The following DHRS4 variants were observed in gnomAD, a reference collection of about 807,000 sequenced individuals.
DHRS4 encodes dehydrogenase/reductase SDR family member 4.
DHRS4 carries 20 observed loss-of-function variants against 28.4 expected under a neutral mutation model. The ratio of observed to expected loss-of-function variants is 0.71; its 90% CI spans 0.50 to 1.02. The LOEUF (loss-of-function observed/expected upper bound fraction) is 1.02. DHRS4 is among the 50% of genes least tolerant of loss of function. DHRS4 has a pLI of 0.00. For missense variants in DHRS4, 378 were observed against 367.2 expected (o/e 1.03, Z -0.24); for synonymous variants, 144 against 146.4 (o/e 0.98, Z 0.12).
intron 1 of DHRS4, among the ~76,000 whole-genome samples, chr14:23,954,549 G>T: frequency 6.6e-6 from 1 of 152,356 alleles, no homozygotes; most frequent in Non-Finnish European, 1.5e-5. Flanking sequence ...AATGCAAAAT[G>T]TGTAACTCTT....
At chr14:23,962,573 A>G (rs1487095551) in intron 3 of DHRS4, among the ~76,000 whole-genome samples, 1 of 151,800 alleles carries the variant, frequency 6.6e-6, no homozygotes, top group Non-Finnish European at 1.5e-5. Context: ...ATTCAGTCCC[A>G]TCTTCCAGCT....
chr14:23,967,183 C>G (rs1480786756), intron 6 of DHRS4, 28 bp from the exon 7 acceptor site: 2 of 1,591,268 alleles, frequency 1.3e-6, no homozygotes, highest in Admixed American at 1.8e-5. Flanking sequence ...AAAAAAAAAA[C>G]ATAAAGAGAT....
chr14:23,959,426 C>T, intron 2 of DHRS4, among the ~76,000 whole-genome samples: 1 of 152,074 alleles, frequency 6.6e-6, no homozygotes, highest in Non-Finnish European at 1.5e-5. Context: ...GGTGTGGTGG[C>T]ACGCACTTGT....
intron 3 of DHRS4, among the ~76,000 whole-genome samples, chr14:23,963,186 T>C: frequency 1.8e-5 from 2 of 108,506 alleles, no homozygotes; most frequent in East Asian, 3.2e-4. Flanking sequence ...TAAATGAGCA[T>C]TGGCTTCAAC....
In DHRS4 at chr14:23,955,212, G is replaced by C. The variant is rs139945419; in HGVS notation, c.306G>C (p.Thr102=). The change falls in exon 2 of 8, where the codon ACG becomes ACC. Residue 102 remains threonine, a splice_region_variant and synonymous_variant. Transcript: ENST00000313250. ...AGGACCGGGAGCGGCTGGTGGCCAC[G>C]GTGAGCTGCAGGGAAATGGGCACAG... is the stretch of plus-strand genomic sequence containing the variant. The part of the protein sequence containing the change: ...KAEDRERLVA[T]AVKLHGGIDI... 9.4e-4 allele frequency: 1,511 copies of C among 1,612,212 alleles called. 9 individuals carry two copies. The African/African-American group carries it at 0.016, about 17-fold the overall frequency.
chr14:23,958,218 C>A (rs1258134185), intron 2 of DHRS4, among the ~76,000 whole-genome samples: 1 of 151,512 alleles, frequency 6.6e-6, no homozygotes. Context: ...TACACATTGA[C>A]AGCCCAGCAT....
chr14:23,954,392 G>C (rs147169011), intron 1 of DHRS4, among the ~76,000 whole-genome samples: 3 of 152,104 alleles, frequency 2.0e-5, no homozygotes, highest in Non-Finnish European at 4.4e-5. Context: ...TTTTTGTTTA[G>C]GTCGGTACAT....
chr14:23,965,911 T>G lies in DHRS4; in HGVS notation c.480-21T>G, dbSNP rs1216518124. ...GCACTGGTCCACAATGGGAAGATGG[T>G]CAGCTCTCTTCTTTTTCCAGAGGCG... On this transcript the variant is annotated intron_variant, in intron 4 of 7. Coordinates refer to ENST00000313250, the MANE Select transcript of DHRS4 (RefSeq NM_021004.4). 5 of 1,607,104 alleles carry G rather than the reference T, an allele frequency of 3.1e-6. 1 individual carries two copies. Among genetic ancestry groups the G allele is most frequent in the Non-Finnish European group, 4.3e-6 (5 of 1,176,314 alleles).
chr14:23,967,631 TTGA>T (rs2033679950), intron 7 of DHRS4: 1 of 375,666 alleles, frequency 2.7e-6, no homozygotes, highest in Non-Finnish European at 4.9e-6. Flanking sequence ...AAAACTCAGG[TTGA>T]TGATCTACAA....
At chr14:23,954,865 G>A (rs1462912397) in intron 1 of DHRS4, among the ~76,000 whole-genome samples, 170 bp from the exon 2 acceptor site, 2 of 152,236 alleles carry the variant, frequency 1.3e-5, no homozygotes, top group Admixed American at 1.3e-4. Context: ...GTAAAGGAAT[G>A]CCAAAAATGG....
intron 3 of DHRS4, among the ~76,000 whole-genome samples, 179 bp downstream of exon 3, chr14:23,960,182 C>A (rs1232431359): frequency 6.6e-6 from 1 of 151,966 alleles, no homozygotes; most frequent in East Asian, 1.9e-4. Context: ...TCTATCCCTG[C>A]CCTTCTCATT....
chr14:23,959,930 T>A lies in DHRS4; in HGVS notation c.335T>A (p.Ile112Asn). ...GTGAAGCTTCATGGAGGTATCGATA[T>A]CCTAGTCTCCAATGCTGCTGTCAAC... is the stretch of plus-strand genomic sequence containing the variant. ...TAVKLHGGID[I>N]LVSNAAVNPF... The change falls in exon 3 of 8, where the codon ATC (isoleucine) becomes AAC (asparagine). Residue 112 changes from isoleucine to asparagine, a missense_variant. Coordinates refer to ENST00000313250, the MANE Select transcript of DHRS4 (RefSeq NM_021004.4). 1 of 1,612,520 alleles carries A rather than the reference T, an allele frequency of 6.2e-7. No homozygotes were observed. Among genetic ancestry groups the A allele is most frequent in the Non-Finnish European group, 8.5e-7 (1 of 1,179,924 alleles).
rs2033746013 is a variant in DHRS4 at position 23,968,837 on chromosome 14, TGGTGGTGGGTGGAGGAA to T, written c.804_820del (p.Val269ProfsTer77). ...GCCAGCTACATCACTGGGGAAACAG[TGGTGGTGGGTGGAGGAA>T]CCCCGTCCCGCCTCTGAGGACCGGG... is the stretch of plus-strand genomic sequence containing the variant. On this transcript the variant is annotated frameshift_variant, in exon 8 of 8. Coordinates refer to ENST00000313250, the MANE Select transcript of DHRS4 (RefSeq NM_021004.4). LOFTEE classifies it high-confidence loss of function. The T allele has an allele frequency of 6.2e-7, 1 of 1,610,246 alleles. No homozygotes were observed. The highest frequency in any genetic ancestry group is 1.3e-5 in the African/African-American group (1 of 74,748).
chr14:23,956,484 G>A (rs142267460), intron 2 of DHRS4, among the ~76,000 whole-genome samples: 78 of 152,306 alleles, frequency 5.1e-4, no homozygotes, highest in African/African-American at 1.8e-3. Flanking sequence ...GACAGCCAAG[G>A]AGGAACTGAA....
At chr14:23,960,756 T>C (rs2033386005) in intron 3 of DHRS4, among the ~76,000 whole-genome samples, 2 of 152,066 alleles carry the variant, frequency 1.3e-5, no homozygotes, top group South Asian at 4.1e-4. Flanking sequence ...TTTACACTGA[T>C]GTTGTATTAG....
intron 5 of DHRS4, 79 bp downstream of exon 5, chr14:23,966,062 T>G: frequency 6.2e-7 from 1 of 1,606,402 alleles, no homozygotes; most frequent in Non-Finnish European, 8.5e-7. Flanking sequence ...CCAAGGAAGT[T>G]TGTGTCCCCT....
At position 23,953,847 on chromosome 14, in the gene DHRS4, C is replaced by T. The variant is rs372447828; in HGVS notation, c.59C>T (p.Ala20Val). ...CGGGCTTGGAATTCGGTGCGGATGG[C>T]CAGCTCCGGGATGACCCGCCGGGAC... ...CARAWNSVRMASSGMTRRDPL... is the reference protein window; with the variant it reads ...CARAWNSVRMVSSGMTRRDPL... The change falls in exon 1 of 8, where the codon GCC (alanine) becomes GTC (valine). Residue 20 changes from alanine to valine, a missense_variant. Coordinates refer to ENST00000313250, the MANE Select transcript of DHRS4 (RefSeq NM_021004.4). The T allele has an allele frequency of 1.5e-5, 25 of 1,613,732 alleles. No individual in the cohort carries two copies. The African/African-American group carries it at 3.3e-4, about 22-fold the overall frequency.
intron 3 of DHRS4, among the ~76,000 whole-genome samples, chr14:23,962,726 T>C (rs1282844610): frequency 6.6e-6 from 1 of 151,264 alleles, no homozygotes; most frequent in African/African-American, 2.5e-5. Context: ...CCTCCTCCCA[T>C]GAATCACAAA....
At chr14:23,954,440 T>C (rs2033002706) in intron 1 of DHRS4, among the ~76,000 whole-genome samples, 1 of 152,160 alleles carries the variant, frequency 6.6e-6, no homozygotes, top group Non-Finnish European at 1.5e-5. Flanking sequence ...TCACCCACCA[T>C]TCTTGTCTAT....
Sources: gnomAD v4.1 joint callset for allele counts (sites outside exome capture counted in the v4.1 genomes callset) on GRCh38, gnomAD v4.1.1 for gene constraint, MANE v1.5 for transcripts, NCBI Gene and HGNC (gene_info 2026-07-23, HGNC 2026-07-21) for gene names.